CELF1: variants seen among roughly 807,000 people sequenced by gnomAD.
CELF1 encodes 50 kDa nuclear polyadenylated RNA-binding protein.
A neutral mutation model predicts 61.8 loss-of-function variants in CELF1; 10 were observed. That is an observed-to-expected ratio of 0.16 (90% CI 0.10 to 0.27). CELF1 has a LOEUF of 0.27. Ranked by LOEUF, CELF1 falls within the 10% of genes least tolerant of loss-of-function variation. The pLI is 1.00. For missense variants in CELF1, 380 were observed against 639.1 expected, an observed-to-expected ratio of 0.59 and a Z score of 4.37; for synonymous variants, 236 against 225.1, an observed-to-expected ratio of 1.05 and a Z score of -0.43.
chr11:47,475,460 G>C lies in CELF1; in HGVS notation c.1149C>G (p.Thr383=). Residue 383 remains threonine (T), a synonymous_variant, in exon 13 of 15, where the codon ACC becomes ACG. Transcript: ENST00000687097. ...SSGLSNGTGS[T]MEALTQAYSG... is the part of the protein sequence containing the mutation. ...AGTAGGCCTGAGTGAGGGCCTCCAT[G>C]GTGCTCCCGGTGCCATTGGAAAGGC... 1 of 1,614,032 alleles carries C rather than the reference G, an allele frequency of 6.2e-7. No homozygotes were observed. Among genetic ancestry groups the C allele is most frequent in the Non-Finnish European group, 8.5e-7 (1 of 1,180,034 alleles).
At chr11:47,522,398 C>T (rs762934692) in intron 1 of CELF1, among the ~76,000 whole-genome samples, 21 of 149,082 alleles carry the variant, frequency 1.4e-4, no homozygotes, top group Non-Finnish European at 2.5e-4. Context: ...TGGTGGTGGG[C>T]GTCTGAAGTC....
intron 5 of CELF1, 110 bp downstream of exon 5, chr11:47,487,049 C>T: frequency 1.2e-6 from 1 of 865,114 alleles, no homozygotes; most frequent in East Asian, 2.4e-5. Flanking sequence ...TCAATTCCTG[C>T]AGCAGTTACC....
At chr11:47,536,240 C>T (rs80153026) in intron 1 of CELF1, among the ~76,000 whole-genome samples, 16 of 152,060 alleles carry the variant, frequency 1.1e-4, no homozygotes, top group African/African-American at 2.9e-4. Flanking sequence ...ATGGTGCCAA[C>T]GGCCTGTAGT....
At chr11:47,558,514 A>T in intron 2 of CELF1, among the ~76,000 whole-genome samples, 2 of 116,540 alleles carry the variant, frequency 1.7e-5, no homozygotes, top group Admixed American at 1.1e-4. Context: ...TTATATAAAT[A>T]ATATATGTAT....
At chr11:47,526,712 T>C (rs1450967783) in intron 1 of CELF1, among the ~76,000 whole-genome samples, 1 of 152,118 alleles carries the variant, frequency 6.6e-6, no homozygotes, top group East Asian at 1.9e-4. Flanking sequence ...GAACTAGAAA[T>C]GTTTATGCTG....
chr11:47,520,823 C>G (rs890013970), intron 1 of CELF1, among the ~76,000 whole-genome samples: 1 of 151,606 alleles, frequency 6.6e-6, no homozygotes, highest in Non-Finnish European at 1.5e-5. Context: ...CGCTCCCCCC[C>G]GACCCAAAAA....
chr11:47,484,169 T>C (rs1022032433), intron 7 of CELF1, among the ~76,000 whole-genome samples: 1 of 151,974 alleles, frequency 6.6e-6, no homozygotes, highest in Non-Finnish European at 1.5e-5. Context: ...CTTTTCTCTA[T>C]AAAAAATTTA....
At chr11:47,487,027 T>C (rs1019564390) in intron 5 of CELF1, 132 bp downstream of exon 5, 3 of 784,454 alleles carry the variant, frequency 3.8e-6, no homozygotes, top group Admixed American at 2.1e-5. Context: ...TCCCTTTATG[T>C]CTTCCTTTAC....
intron 1 of CELF1, among the ~76,000 whole-genome samples, chr11:47,528,446 A>ATT (rs200537712): frequency 6.6e-6 from 1 of 151,934 alleles, no homozygotes; most frequent in Admixed American, 6.6e-5. Context: ...TCCATCTCAC[A>ATT]TTTTTTTAAA....
At chr11:47,482,521 T>C (rs146677464) in intron 9 of CELF1, 174 bp downstream of exon 9, 6 of 523,268 alleles carry the variant, frequency 1.1e-5, no homozygotes, top group African/African-American at 7.7e-5. Context: ...TACATATATA[T>C]AGAGAGAGAA....
intron 1 of CELF1, among the ~76,000 whole-genome samples, chr11:47,533,994 A>C (rs927860626): frequency 4.8e-5 from 7 of 145,706 alleles, no homozygotes; most frequent in African/African-American, 1.8e-4. Context: ...AGACCACAAC[A>C]TAAGTTATAT....
intron 1 of CELF1, among the ~76,000 whole-genome samples, chr11:47,540,745 A>G (rs920130827): frequency 1.3e-5 from 2 of 152,032 alleles, no homozygotes; most frequent in Middle Eastern, 3.4e-3. Flanking sequence ...TTACCCGGGC[A>G]TGGTGGTGGG....
chr11:47,558,782 T>C (rs181758456), intron 2 of CELF1, among the ~76,000 whole-genome samples: 1,762 of 118,352 alleles, frequency 0.015, 33 homozygotes, highest in African/African-American at 0.047. Context: ...ATATATAATA[T>C]ATATATAATA....
intron 1 of CELF1, chr11:47,523,420 C>T (rs965141162): frequency 3.9e-5 from 6 of 152,228 alleles, no homozygotes; most frequent in African/African-American, 1.4e-4. Flanking sequence ...TAATGCCACA[C>T]TCAAAAGAAT....
At chr11:47,535,340 C>T (rs2096599961) in intron 1 of CELF1, among the ~76,000 whole-genome samples, 2 of 151,928 alleles carry the variant, frequency 1.3e-5, no homozygotes, top group Admixed American at 6.6e-5. Context: ...ATAAGATATA[C>T]CATTAACTAC....
intron 1 of CELF1, among the ~76,000 whole-genome samples, chr11:47,523,057 AT>A (rs2096037039): frequency 1.3e-5 from 2 of 152,142 alleles, no homozygotes; most frequent in Admixed American, 6.5e-5. Flanking sequence ...GAGAACACTT[AT>A]TTATGTATAA....
intron 2 of CELF1, chr11:47,564,218 G>C (rs1490836363): frequency 6.7e-6 from 1 of 150,104 alleles, no homozygotes; most frequent in East Asian, 2.0e-4. Context: ...GGTGGCTCAT[G>C]CCTGTAATCC....
At chr11:47,540,961 A>C (rs912051932) in intron 1 of CELF1, among the ~76,000 whole-genome samples, 12 of 152,168 alleles carry the variant, frequency 7.9e-5, no homozygotes, top group African/African-American at 2.9e-4. Flanking sequence ...CTCACTGAGA[A>C]TATCCCACCC....
rs1231541544 is a variant in CELF1 at position 47,472,320 on chromosome 11, A to C, written c.1455T>G (p.Ala485=). Residue 485 remains alanine (A), a synonymous_variant, in exon 15 of 15, where the codon GCT becomes GCG. Coordinates refer to ENST00000687097, the MANE Select transcript of CELF1 (RefSeq NM_001376376.1). The part of the protein sequence containing the change: ...VSYDNPVSAQ[A]AIQSMNGFQI... Reference sequence around the variant, plus strand: ...GAAAGCCGTTCATGGACTGGATGGCAGCTTGGGCCGAAACAGGATTGTCGT... The same window carrying C: ...GAAAGCCGTTCATGGACTGGATGGCCGCTTGGGCCGAAACAGGATTGTCGT... The C allele has an allele frequency of 1.2e-6, 2 of 1,614,084 alleles. No individual in the cohort carries two copies. Among genetic ancestry groups the C allele is most frequent in the African/African-American group, 2.7e-5 (2 of 74,930 alleles).
Sources: allele counts gnomAD v4.1 joint callset (sites outside exome capture counted in the v4.1 genomes callset), GRCh38; gene constraint gnomAD v4.1.1; transcripts MANE v1.5; gene names NCBI Gene and HGNC (gene_info 2026-07-23, HGNC 2026-07-21).